TTLL5: variants seen among roughly 807,000 people sequenced by gnomAD.
The protein encoded by TTLL5 is tubulin polyglutamylase TTLL5.
Under a neutral mutation model 168.4 loss-of-function variants are expected in TTLL5, and 132 were observed. That is an observed-to-expected ratio of 0.78 (90% CI 0.68 to 0.91). The LOEUF is 0.91. TTLL5 is among the 40% of genes least tolerant of loss of function. The pLI, the probability that TTLL5 is intolerant of heterozygous loss-of-function variation, is 0.00. For missense variants in TTLL5, 1,545 were observed against 1,581.5 expected, an observed-to-expected ratio of 0.98 and a Z score of 0.39; for synonymous variants, 546 against 558.6, an observed-to-expected ratio of 0.98 and a Z score of 0.32.
chr14:75,896,960 G>C (rs1339099739), intron 30 of TTLL5, among the ~76,000 whole-genome samples: 1 of 152,112 alleles, frequency 6.6e-6, no homozygotes, highest in Admixed American at 6.5e-5. Context: ...CCAGCCAGTT[G>C]ATTGGCTTAT....
intron 27 of TTLL5, among the ~76,000 whole-genome samples, chr14:75,799,186 C>T (rs567870053): frequency 6.6e-6 from 1 of 152,198 alleles, no homozygotes; most frequent in African/African-American, 2.4e-5. Flanking sequence ...TGATATTTTC[C>T]TATTGGACTA....
chr14:75,922,018 CTCTT>C (rs1566661446), intron 31 of TTLL5, among the ~76,000 whole-genome samples: 1 of 152,026 alleles, frequency 6.6e-6, no homozygotes, highest in Admixed American at 6.6e-5. Context: ...CATGATTTGG[CTCTT>C]TGTTTGTTTG....
chr14:75,732,469 A>G, intron 13 of TTLL5, 50 bp downstream of exon 13: 1 of 1,487,584 alleles, frequency 6.7e-7, no homozygotes, highest in Non-Finnish European at 9.2e-7. Context: ...AGTAGTACTT[A>G]AAGCACTTTT....
chr14:75,902,094 A>T, intron 30 of TTLL5, 48 bp from the exon 31 acceptor site: 3 of 1,568,618 alleles, frequency 1.9e-6, no homozygotes, highest in Non-Finnish European at 2.6e-6. Context: ...CCTGCACCTG[A>T]CCTCACCTTT....
chr14:75,856,861 G>C (rs1470741711), intron 28 of TTLL5, among the ~76,000 whole-genome samples: 1 of 152,020 alleles, frequency 6.6e-6, no homozygotes, highest in Non-Finnish European at 1.5e-5. Flanking sequence ...TCCTAACTTT[G>C]TGATCTGCCC....
chr14:75,853,841 C>T lies in TTLL5; in HGVS notation c.3327-9826C>T, dbSNP rs143328846. Among the ~76,000 whole-genome samples, 39 of 152,232 alleles carry T rather than the reference C, an allele frequency of 2.6e-4. No individual in the cohort carries two copies. The East Asian group carries it at 7.3e-3, about 29-fold the overall frequency. On this transcript the variant is annotated intron_variant, in intron 28 of 31. Transcript: ENST00000298832. ...GGCAGATCACTTGAGATCAGGAGTT[C>T]GAGACCAGCCTGACCAACACAGTGA...
chr14:75,813,761 G>A (rs533224909), intron 27 of TTLL5, among the ~76,000 whole-genome samples: 57 of 148,066 alleles, frequency 3.8e-4, no homozygotes, highest in Non-Finnish European at 6.5e-4. Context: ...ATATACTTGT[G>A]TTTTTCACTT....
chr14:75,872,777 T>C (rs939964219), intron 29 of TTLL5, among the ~76,000 whole-genome samples: 2 of 151,746 alleles, frequency 1.3e-5, no homozygotes, highest in African/African-American at 4.8e-5. Context: ...TGTGCGTGGT[T>C]GCGCATGCCT....
chr14:75,929,781 CTTAAGT>C (rs1468554086), intron 31 of TTLL5, among the ~76,000 whole-genome samples: 3 of 152,098 alleles, frequency 2.0e-5, no homozygotes, highest in African/African-American at 7.2e-5. Context: ...CTCAGCATTT[CTTAAGT>C]TTATCTGACC....
intron 31 of TTLL5, among the ~76,000 whole-genome samples, chr14:75,913,096 C>G (rs2033455836): frequency 6.6e-6 from 1 of 152,188 alleles, no homozygotes; most frequent in Non-Finnish European, 1.5e-5. Flanking sequence ...GGTCTTTTAT[C>G]TTACTGTTTG....
At chr14:75,719,620 A>G in intron 10 of TTLL5, 115 bp from the exon 11 acceptor site, 1 of 810,206 alleles carries the variant, frequency 1.2e-6, no homozygotes, top group Non-Finnish European at 1.8e-6. Flanking sequence ...GGAAGTCAGC[A>G]AAGTGAATTA....
intron 26 of TTLL5, 134 bp downstream of exon 26, chr14:75,783,664 G>GC: frequency 7.9e-7 from 1 of 1,269,348 alleles, no homozygotes; most frequent in Non-Finnish European, 1.1e-6. Flanking sequence ...TTGTTCTGAC[G>GC]TGACTAAAGA....
chr14:75,720,618 C>A lies in TTLL5; in HGVS notation c.957C>A (p.Asp319Glu), dbSNP rs765689042. 6.2e-7 allele frequency: 1 copy of A among 1,613,486 alleles called. No individual in the cohort carries two copies. Among genetic ancestry groups the A allele is most frequent in the Admixed American group, 1.7e-5 (1 of 60,002 alleles). Residue 319 changes from aspartate to glutamate, a missense_variant, in exon 12 of 32, where the codon GAC becomes GAA. Coordinates refer to ENST00000298832, the MANE Select transcript of TTLL5 (RefSeq NM_015072.5). ...DTTALMAHVE[D>E]LIIKTIISAE... ...CAGCATTGATGGCCCATGTAGAAGA[C>A]CTGATCATTAAGACTATAATCTCTG...
intron 3 of TTLL5, among the ~76,000 whole-genome samples, chr14:75,675,665 C>A (rs1884087618): frequency 1.3e-5 from 2 of 152,152 alleles, no homozygotes; most frequent in Admixed American, 6.5e-5. Flanking sequence ...GTGGTTCTTT[C>A]TTAGGCAGTT....
At chr14:75,909,658 C>A (rs949935342) in intron 31 of TTLL5, among the ~76,000 whole-genome samples, 1 of 152,188 alleles carries the variant, frequency 6.6e-6, no homozygotes, top group Non-Finnish European at 1.5e-5. Context: ...GGATAAATAT[C>A]TTTAACTTGC....
intron 12 of TTLL5, 73 bp from the exon 13 acceptor site, chr14:75,732,265 T>A: frequency 7.4e-7 from 1 of 1,354,304 alleles, no homozygotes; most frequent in Non-Finnish European, 1.0e-6. Context: ...TTAATGAGAT[T>A]GAGTCTTCTA....
At chr14:75,847,896 C>G (rs1158279221) in intron 28 of TTLL5, among the ~76,000 whole-genome samples, 1 of 151,708 alleles carries the variant, frequency 6.6e-6, no homozygotes, top group African/African-American at 2.4e-5. Flanking sequence ...CAAAATGTGG[C>G]TGCTGCTGTT....
chr14:75,690,163 T>C (rs764877895), intron 5 of TTLL5, 29 bp from the exon 6 acceptor site: 2 of 1,612,576 alleles, frequency 1.2e-6, no homozygotes, highest in East Asian at 2.2e-5. Context: ...CATAGTTTAC[T>C]GAATGGAAAT....
chr14:75,770,717 T>C (rs1891253565), intron 20 of TTLL5, among the ~76,000 whole-genome samples: 1 of 152,146 alleles, frequency 6.6e-6, no homozygotes, highest in South Asian at 2.1e-4. Flanking sequence ...AGGCAGAAAA[T>C]AGCTGCGTTC....
Sources: gnomAD v4.1 joint callset for allele counts (sites outside exome capture counted in the v4.1 genomes callset) on GRCh38, gnomAD v4.1.1 for gene constraint, MANE v1.5 for transcripts, NCBI Gene and HGNC (gene_info 2026-07-23, HGNC 2026-07-21) for gene names.